RBFOX3: variants seen among roughly 807,000 people sequenced by gnomAD.
RBFOX3 encodes RNA binding protein fox-1 homolog 3.
Under a neutral mutation model 48.7 loss-of-function variants are expected in RBFOX3, and 17 were observed. The ratio of observed to expected loss-of-function variants is 0.35; its 90% CI spans 0.24 to 0.52. The LOEUF (loss-of-function observed/expected upper bound fraction) is 0.52, where lower values mean the gene tolerates loss of function less well. RBFOX3 is among the 20% of genes least tolerant of loss of function. RBFOX3 has a pLI of 0.94. For missense variants in RBFOX3, 382 were observed against 497.5 expected (o/e 0.77, Z 2.21); for synonymous variants, 212 against 209.5 (o/e 1.01, Z -0.10).
chr17:79,152,861 A>C (rs2044880020), intron 4 of RBFOX3, among the ~76,000 whole-genome samples: 1 of 152,192 alleles, frequency 6.6e-6, no homozygotes, highest in Non-Finnish European at 1.5e-5. Context: ...GGCCTCCGGG[A>C]CTTCGCCGCA....
intron 2 of RBFOX3, among the ~76,000 whole-genome samples, chr17:79,414,681 A>G (rs1304878082): frequency 6.6e-6 from 1 of 152,190 alleles, no homozygotes; most frequent in Non-Finnish European, 1.5e-5. Context: ...AGAGCTAAGG[A>G]ACTGCTGTGT....
At position 79,348,166 on chromosome 17, in the gene RBFOX3, G is replaced by A. The variant is rs529584845; in HGVS notation, c.-174-40342C>T. ...GTCTCCTGGTCGTCTGCAGAAAAGCGGGGAAGTGACTGCTGGGGTCAGGTG... is the reference window on the plus strand; with the variant it reads ...GTCTCCTGGTCGTCTGCAGAAAAGCAGGGAAGTGACTGCTGGGGTCAGGTG... On this transcript the variant is annotated intron_variant, in intron 2 of 14. Transcript: ENST00000693108. 9.8e-5 allele frequency among the ~76,000 whole-genome samples: 15 copies of A among 152,304 alleles called. No individual in the cohort carries two copies. In the South Asian group the frequency reaches 1.7e-3, roughly 17 times the overall value.
chr17:79,406,891 T>G (rs2063606581), intron 2 of RBFOX3, among the ~76,000 whole-genome samples: 2 of 152,220 alleles, frequency 1.3e-5, no homozygotes, highest in Admixed American at 1.3e-4. Flanking sequence ...TCCAGACTCC[T>G]CTATGCAGCT....
rs531383481 is a variant in RBFOX3 at position 79,173,078 on chromosome 17, C to T, written c.-33-57330G>A. Among the ~76,000 whole-genome samples, 7 of 152,220 alleles carry T rather than the reference C, an allele frequency of 4.6e-5. No homozygotes were observed. The South Asian group carries it at 6.2e-4, about 14-fold the overall frequency. On this transcript the variant is annotated intron_variant, in intron 4 of 14. Transcript: ENST00000693108. ...ACAAGAAATTAGCCGGGTGTGGTGG[C>T]GCACGCCTGTAATCCCAGCTACTTG...
intron 2 of RBFOX3, among the ~76,000 whole-genome samples, chr17:79,359,407 G>A (rs1268501651): frequency 6.6e-6 from 1 of 152,154 alleles, no homozygotes; most frequent in East Asian, 1.9e-4. Context: ...ATTTAACTGA[G>A]CAGCCTTTAT....
At chr17:79,171,319 C>T (rs181510789) in intron 4 of RBFOX3, among the ~76,000 whole-genome samples, 3 of 152,222 alleles carry the variant, frequency 2.0e-5, no homozygotes, top group Non-Finnish European at 4.4e-5. Flanking sequence ...CCCGTGGCTT[C>T]ACCACGCTGC....
chr17:79,618,999 C>T, the RBFOX3 span, among the ~76,000 whole-genome samples: 1 of 152,180 alleles, frequency 6.6e-6, no homozygotes, highest in South Asian at 2.1e-4. Context: ...GCAAGAAAGA[C>T]ACGTGCATTT....
chr17:79,468,943 G>A (rs1555755352), intron 2 of RBFOX3, among the ~76,000 whole-genome samples: 1 of 69,582 alleles, frequency 1.4e-5, no homozygotes, highest in African/African-American at 3.2e-5. Context: ...CGGGAGGATG[G>A]ATGGATGGAT....
chr17:79,272,613 T>G (rs891226483), intron 3 of RBFOX3, among the ~76,000 whole-genome samples: 2 of 152,186 alleles, frequency 1.3e-5, no homozygotes, highest in African/African-American at 4.8e-5. Flanking sequence ...GGGTCTCTCC[T>G]GTCCTCCTAT....
At position 79,185,549 on chromosome 17, in the gene RBFOX3, C is replaced by T. The variant is rs368859025; in HGVS notation, c.-34+50217G>A. Among the ~76,000 whole-genome samples, 300 of 152,266 alleles carry T rather than the reference C, an allele frequency of 2.0e-3. 1 individual carries two copies. Among genetic ancestry groups the T allele is most frequent in the Middle Eastern group, 0.01 (3 of 294 alleles). ...AGAAGCCATCCCTCTTTTGTCTTCT[C>T]TGGGCACCTGTCCGTCACCACTGCC... On this transcript the variant is annotated intron_variant, in intron 4 of 14. Transcript: ENST00000693108.
chr17:79,273,677 C>A (rs1041089615), intron 3 of RBFOX3, among the ~76,000 whole-genome samples: 2 of 152,156 alleles, frequency 1.3e-5, no homozygotes, highest in Non-Finnish European at 2.9e-5. Context: ...GCATTGGTAC[C>A]ACAGAGCTCA....
chr17:79,290,038 A>C (rs1418709481), intron 3 of RBFOX3, among the ~76,000 whole-genome samples: 4 of 152,134 alleles, frequency 2.6e-5, no homozygotes, highest in African/African-American at 9.7e-5. Context: ...AGGAGAAGCA[A>C]GATGCCCAGG....
At chr17:79,521,687 T>C (rs1019020435) in intron 1 of RBFOX3, among the ~76,000 whole-genome samples, 26 of 150,736 alleles carry the variant, frequency 1.7e-4, no homozygotes, top group Non-Finnish European at 2.8e-4. Flanking sequence ...ACAGACACAC[T>C]CATACTCACA....
chr17:79,594,858 C>T (rs992067784), intron 1 of RBFOX3, among the ~76,000 whole-genome samples: 1 of 152,126 alleles, frequency 6.6e-6, no homozygotes, highest in Non-Finnish European at 1.5e-5. Flanking sequence ...CTCGGCATGC[C>T]CCGGAAGCCA....
chr17:79,186,807 G>T (rs1252604289), intron 4 of RBFOX3, among the ~76,000 whole-genome samples: 1 of 152,246 alleles, frequency 6.6e-6, no homozygotes, highest in African/African-American at 2.4e-5. Context: ...GGCAAGGGAG[G>T]CACCTCAGAA....
chr17:79,360,709 G>C (rs1178474037), intron 2 of RBFOX3, among the ~76,000 whole-genome samples: 3 of 152,044 alleles, frequency 2.0e-5, no homozygotes, highest in African/African-American at 7.3e-5. Context: ...AGGGTTATCG[G>C]TGTCAGCAAT....
intron 3 of RBFOX3, among the ~76,000 whole-genome samples, chr17:79,262,908 G>A (rs777996944): frequency 6.6e-6 from 1 of 152,272 alleles, no homozygotes; most frequent in Non-Finnish European, 1.5e-5. Context: ...CCTTCTCCTT[G>A]TTTCAGGTGG....
chr17:79,624,508 G>A, the RBFOX3 span, among the ~76,000 whole-genome samples: 1 of 152,166 alleles, frequency 6.6e-6, no homozygotes, highest in Non-Finnish European at 1.5e-5. Context: ...GGTGGAATCT[G>A]GAGACTCAAG....
intron 4 of RBFOX3, among the ~76,000 whole-genome samples, chr17:79,148,695 T>C (rs908994153): frequency 1.3e-5 from 2 of 152,206 alleles, no homozygotes; most frequent in African/African-American, 4.8e-5. Flanking sequence ...AGTTGCTTCC[T>C]GGAAGTGATG....
Sources: gnomAD v4.1 joint callset for allele counts (sites outside exome capture counted in the v4.1 genomes callset) on GRCh38, gnomAD v4.1.1 for gene constraint, MANE v1.5 for transcripts, NCBI Gene and HGNC (gene_info 2026-07-23, HGNC 2026-07-21) for gene names.